ZNF530: variants seen among roughly 807,000 people sequenced by gnomAD.
ZNF530 encodes zinc finger protein 530.
In ZNF530, 5 loss-of-function variants were observed where a neutral mutation model predicts 2.8. That is an observed-to-expected ratio of 1.80 (90% CI 0.94 to 3.78). The LOEUF is 3.78. Ranked by LOEUF, ZNF530 falls within the 30% of genes most tolerant of loss-of-function variation. The probability of loss-of-function intolerance (pLI) is 0.00; values close to 1 mark genes in which losing one functional copy is unlikely to be tolerated. For missense variants in ZNF530, 619 were observed against 673.3 expected (o/e 0.92, Z 0.89); for synonymous variants, 229 against 235.0 (o/e 0.97, Z 0.23).
downstream of ZNF530, among the ~76,000 whole-genome samples, chr19:57,610,493 C>T (rs1234770878): frequency 6.6e-6 from 1 of 151,644 alleles, no homozygotes; most frequent in African/African-American, 2.4e-5. Flanking sequence ...ATGTTGATTA[C>T]ACCTCAATGA....
chr19:57,602,210 T>G (rs1279868640), intron 2 of ZNF530, among the ~76,000 whole-genome samples: 3 of 152,222 alleles, frequency 2.0e-5, no homozygotes, highest in Non-Finnish European at 4.4e-5. Flanking sequence ...TCTTGCTTTT[T>G]CCTCACATGG....
In ZNF530 at chr19:57,609,197, G is replaced by A. The variant is rs1980755252; in HGVS notation, c.*1872G>A. Among the ~76,000 whole-genome samples, 2 of 151,716 alleles carry A rather than the reference G, an allele frequency of 1.3e-5. No homozygotes were observed. The highest frequency in any genetic ancestry group is 4.8e-5 in the African/African-American group (2 of 41,262). On this transcript the variant is annotated 3_prime_UTR_variant, in exon 4 of 4. Coordinates refer to ENST00000597700, the MANE Select transcript of ZNF530 (RefSeq NM_001321981.2). Reference sequence around the variant, plus strand: ...AATACAAAAATTAACCAGGTGCAGTGGTGCACGTCTATAATCCCAGCTGCT... The same window carrying A: ...AATACAAAAATTAACCAGGTGCAGTAGTGCACGTCTATAATCCCAGCTGCT...
rs1340306678 is a variant in ZNF530 at position 57,606,485 on chromosome 19, A to G, written c.861A>G (p.Glu287=). The change falls in exon 4 of 4, where the codon GAA becomes GAG. Residue 287 remains glutamate (E), a synonymous_variant. Transcript: ENST00000597700. Reference sequence around the variant, plus strand: ...AACATCAACGAGTTCACACTGGAGAAAGGCCTTATGAGTGCAGTGAATGTG... The same window carrying G: ...AACATCAACGAGTTCACACTGGAGAGAGGCCTTATGAGTGCAGTGAATGTG... ...LIQHQRVHTG[E]RPYECSECGK... 6.8e-6 allele frequency: 11 copies of G among 1,614,192 alleles called. No homozygotes were observed. Among genetic ancestry groups the G allele is most frequent in the Non-Finnish European group, 9.3e-6 (11 of 1,180,032 alleles).
In ZNF530 at chr19:57,606,928, G is replaced by A. The variant is rs1382062633; in HGVS notation, c.1304G>A (p.Cys435Tyr). 1.2e-6 allele frequency: 2 copies of A among 1,613,914 alleles called. No homozygotes were observed. Among genetic ancestry groups the A allele is most frequent in the Admixed American group, 1.7e-5 (1 of 59,998 alleles). ...TKTKPYECSE[C>Y]EKSFSCKTDL... ...ACAAAGCCTTATGAGTGCAGTGAAT[G>A]TGAAAAATCATTTAGTTGCAAAACT... Residue 435 changes from cysteine to tyrosine, a missense_variant, in exon 4 of 4, where the codon TGT (cysteine) becomes TAT (tyrosine). Cys to Tyr is a radical substitution (Grantham distance 194). Transcript: ENST00000597700.
In ZNF530 at chr19:57,609,157, C is replaced by T. The variant is rs113409189; in HGVS notation, c.*1832C>T. The T allele has an allele frequency of 0.037, 5,657 of 152,266 alleles. 175 individuals are homozygous for T. Among genetic ancestry groups the T allele is most frequent in the Non-Finnish European group, 0.057 (3,894 of 68,076 alleles). The allele number at this position is 152,266 out of a possible 1,614,324, so 9.4% of individuals were successfully genotyped here. ...ACCAGACTGGCCAACATGGTGAAAC[C>T]CCATCTCTACTGAAAATACAAAAAT... On this transcript the variant is annotated 3_prime_UTR_variant, in exon 4 of 4. Transcript: ENST00000597700.
chr19:57,605,969 G>A lies in ZNF530; in HGVS notation c.345G>A (p.Val115=), dbSNP rs148196119. Residue 115 remains valine, a synonymous_variant, in exon 4 of 4, where the codon GTG becomes GTA. Transcript: ENST00000597700. The stretch of plus-strand genomic sequence containing the variant: ...ATAATGGAGAGAAGCTCTTTAAAGT[G>A]GATGGGGACCAGGCCTCATTTATGA... The part of the protein sequence containing the change: ...KLDNGEKLFK[V]DGDQASFMMN... The A allele has an allele frequency of 6.1e-5, 99 of 1,614,162 alleles. 2 individuals carry two copies. In the African/African-American group the frequency reaches 1.1e-3, roughly 17 times the overall value.
At position 57,604,264 on chromosome 19, in the gene ZNF530, G is replaced by A. The variant is rs114871888; in HGVS notation, c.-69-13G>A. 1.8e-3 allele frequency: 2,961 copies of A among 1,613,900 alleles called. 34 individuals carry two copies. The African/African-American group carries it at 0.034, about 18-fold the overall frequency. On this transcript the variant is annotated splice_polypyrimidine_tract_variant and intron_variant, in intron 2 of 3. Coordinates refer to ENST00000597700, the MANE Select transcript of ZNF530 (RefSeq NM_001321981.2). ...AAAGATGCTGACCATGGAATGAACT[G>A]TCCCCATCATAGCAGGTTTTTGTAG...
In ZNF530 at chr19:57,606,099, A is replaced by G. The variant is rs61730438; in HGVS notation, c.475A>G (p.Ile159Val). The G allele has an allele frequency of 3.6e-4, 577 of 1,614,216 alleles. 4 individuals are homozygous for G. In the African/African-American group the frequency reaches 6.4e-3, roughly 18 times the overall value. The change falls in exon 4 of 4, where the codon ATT (isoleucine) becomes GTT (valine). Residue 159 changes from isoleucine (I) to valine (V), a missense_variant. By Grantham distance (29) the Ile-to-Val change is conservative. Transcript: ENST00000597700. Reference sequence around the variant, plus strand: ...TCTCCAGCATCAGGTGACTCCCACCATTGAGAGACCACACAGCAGGATTAG... The same window carrying G: ...TCTCCAGCATCAGGTGACTCCCACCGTTGAGAGACCACACAGCAGGATTAG... ...GLLQHQVTPT[I>V]ERPHSRIRHL...
intron 3 of ZNF530, chr19:57,605,349 T>C (rs1207559691): frequency 4.9e-6 from 1 of 205,436 alleles, no homozygotes; most frequent in African/African-American, 2.3e-5. Context: ...AGTATTCAGT[T>C]CCCATGGGTG....
At chr19:57,612,433 C>T (rs1312474732), downstream of ZNF530, 2 of 400,220 alleles carry the variant, frequency 5.0e-6, no homozygotes, top group Admixed American at 8.8e-5. Flanking sequence ...AAGCATAATA[C>T]TACAGCATCC....
intron 3 of ZNF530, chr19:57,604,615 G>T: frequency 1.9e-6 from 1 of 519,652 alleles, no homozygotes; most frequent in East Asian, 3.6e-5. Context: ...GAAGGGTCTG[G>T]GAGACAGGAT....
Position 57,604,414 on chromosome 19 carries a change from C to T in ZNF530, c.61+8C>T. ...CAGTTATGGCATCCCTAGGTAAGGC[C>T]CTCCTATTCCTCCCAGTTTCCTTTG... On this transcript the variant is annotated splice_region_variant and intron_variant, in intron 3 of 3. Transcript: ENST00000597700. 1 of 1,610,764 alleles carries T rather than the reference C, an allele frequency of 6.2e-7. No individual in the cohort carries two copies. Among genetic ancestry groups the T allele is most frequent in the South Asian group, 1.1e-5 (1 of 90,762 alleles).
At chr19:57,610,412 A>ATGTG (rs57429926), downstream of ZNF530, among the ~76,000 whole-genome samples, 763 of 147,232 alleles carry the variant, frequency 5.2e-3, 6 homozygotes, top group African/African-American at 0.015. Flanking sequence ...AAGTGTACAT[A>ATGTG]TGTGTGTGTG....
In ZNF530 at chr19:57,599,906, G is replaced by C. The variant is rs376311648; in HGVS notation, c.-350G>C. On this transcript the variant is annotated 5_prime_UTR_variant, in exon 1 of 4. Coordinates refer to ENST00000597700, the MANE Select transcript of ZNF530 (RefSeq NM_001321981.2). ...GAGCGGAACTTCCGGCGTCCTCCCT[G>C]TGGCGGGCACTTTGGCTTGTGTCAG... The C allele has an allele frequency of 1.9e-6, 1 of 531,492 alleles. No individual in the cohort carries two copies. Among genetic ancestry groups the C allele is most frequent in the Admixed American group, 3.2e-5 (1 of 31,106 alleles). The allele number at this position is 531,492 out of a possible 1,614,324, so 32.9% of individuals were successfully genotyped here. A position where few individuals can be genotyped will look rare whatever the true frequency, so the allele number is the denominator to read the frequency against.
At position 57,607,431 on chromosome 19, in the gene ZNF530, G is replaced by A. The variant is rs1333868764; in HGVS notation, c.*106G>A. 18 of 1,137,146 alleles carry A rather than the reference G, an allele frequency of 1.6e-5. No individual in the cohort carries two copies. The highest frequency in any genetic ancestry group is 2.2e-4 in the Middle Eastern group (1 of 4,530). The allele number at this position is 1,137,146 out of a possible 1,614,324, so 70.4% of individuals were successfully genotyped here. ...GCAATCTCAGCTCACTGCAACCTCC[G>A]CCTCCTGGGATCAAGTGATTCTCCT... On this transcript the variant is annotated 3_prime_UTR_variant, in exon 4 of 4. Transcript: ENST00000597700.
At chr19:57,610,956 T>C (rs536180717), downstream of ZNF530, among the ~76,000 whole-genome samples, 97 of 152,360 alleles carry the variant, frequency 6.4e-4, no homozygotes, top group African/African-American at 2.3e-3. Context: ...TTTTGTATTA[T>C]ATGTCTTGAC....
chr19:57,610,416 G>A (rs761922007), downstream of ZNF530, among the ~76,000 whole-genome samples: 20,712 of 116,742 alleles, frequency 0.18, 1,529 homozygotes, highest in African/African-American at 0.23. Context: ...GTACATATGT[G>A]TGTGTGTGTG....
In ZNF530 at chr19:57,607,052, C is replaced by T. The variant is rs761523577; in HGVS notation, c.1428C>T (p.His476=). The T allele has an allele frequency of 2.5e-6, 4 of 1,613,092 alleles. No homozygotes were observed. The highest frequency in any genetic ancestry group is 3.4e-6 in the Non-Finnish European group (4 of 1,179,366). Residue 476 remains histidine, a synonymous_variant, in exon 4 of 4, where the codon CAC becomes CAT. Transcript: ENST00000597700. ...TCCGAAAAACCCACCTCATTCGACA[C>T]CAGACTGTTCACACTAATGAAAGGC... ...SFIRKTHLIR[H]QTVHTNERPY...
intron 2 of ZNF530, among the ~76,000 whole-genome samples, chr19:57,603,825 A>G (rs1041571417): frequency 2.0e-5 from 3 of 152,192 alleles, no homozygotes; most frequent in Non-Finnish European, 4.4e-5. Flanking sequence ...GCTGAGTAAC[A>G]TATAGGAAGG....
Sources: gnomAD v4.1 joint callset for allele counts (sites outside exome capture counted in the v4.1 genomes callset) on GRCh38, gnomAD v4.1.1 for gene constraint, MANE v1.5 for transcripts, NCBI Gene and HGNC (gene_info 2026-07-23, HGNC 2026-07-21) for gene names.